Variants in RBFOX3 observed in about 807,000 individuals in gnomAD.
RBFOX3 encodes RNA binding fox-1 homolog 3, also known as RNA binding protein fox-1 homolog 3.
RBFOX3 carries 17 observed loss-of-function variants against 48.7 expected under a neutral mutation model. The observed-to-expected ratio is 0.35, with a 90% CI of 0.24 to 0.52. The LOEUF is 0.52. RBFOX3 is among the 20% of genes least tolerant of loss of function. The pLI is 0.94. For missense variants in RBFOX3, 382 were observed against 497.5 expected (o/e 0.77, Z 2.21); for synonymous variants, 212 against 209.5 (o/e 1.01, Z -0.10).
intron 3 of RBFOX3, among the ~76,000 whole-genome samples, chr17:79,257,770 G>A (rs1474519218): frequency 2.6e-5 from 4 of 152,010 alleles, no homozygotes; most frequent in South Asian, 2.1e-4. Context: ...TAGTAGAGAC[G>A]GGGTTTCACC....
intron 4 of RBFOX3, among the ~76,000 whole-genome samples, chr17:79,117,170 C>T (rs1229825718): frequency 6.6e-6 from 1 of 152,238 alleles, no homozygotes; most frequent in African/African-American, 2.4e-5. Context: ...AGGCACTCGC[C>T]CCCCCAGGAG....
At chr17:79,596,358 G>A (rs907968325) in intron 1 of RBFOX3, among the ~76,000 whole-genome samples, 1 of 152,188 alleles carries the variant, frequency 6.6e-6, no homozygotes, top group Admixed American at 6.5e-5. Flanking sequence ...TTGTTCCTCT[G>A]ACAGCCCTCT....
intron 3 of RBFOX3, among the ~76,000 whole-genome samples, chr17:79,284,596 G>C (rs1189874921): frequency 6.9e-6 from 1 of 145,422 alleles, no homozygotes; most frequent in Non-Finnish European, 1.5e-5. Context: ...CTAGAGTGTA[G>C]TGGCTTGATC....
intron 1 of RBFOX3, among the ~76,000 whole-genome samples, chr17:79,579,364 C>T (rs1201298614): frequency 2.6e-5 from 4 of 152,194 alleles, no homozygotes; most frequent in Admixed American, 6.5e-5. Flanking sequence ...TCACATCAGC[C>T]GGTTTGCTCC....
intron 1 of RBFOX3, among the ~76,000 whole-genome samples, chr17:79,505,344 C>T (rs1359997213): frequency 2.6e-5 from 4 of 152,158 alleles, no homozygotes; most frequent in African/African-American, 4.8e-5. Context: ...CCTCAGTCCA[C>T]GAACAACAGA....
rs1176297727 is a variant in RBFOX3, at chr17:79,361,104, A to G, written c.-174-53280T>C. On this transcript the variant is annotated intron_variant, in intron 2 of 14. Coordinates refer to ENST00000693108, the MANE Select transcript of RBFOX3 (RefSeq NM_001350451.2). The surrounding 1 kb of genome is among the most constrained non-coding windows in gnomAD (Gnocchi z 4.5). ...ATGGCCGAACCCCTCCTAAGTCAAG[A>G]AAGACACACATTTGGCTCCAAAGGT... is the stretch of plus-strand genomic sequence containing the variant. Among the ~76,000 whole-genome samples the G allele has an allele frequency of 6.6e-6, 1 of 152,156 alleles. No individual in the cohort carries two copies. The highest frequency in any genetic ancestry group is 1.9e-4 in the East Asian group (1 of 5,180).
chr17:79,428,369 C>T (rs1348041210), intron 2 of RBFOX3, among the ~76,000 whole-genome samples: 1 of 152,240 alleles, frequency 6.6e-6, no homozygotes. Flanking sequence ...TCTCCACCTG[C>T]GTCTGCCCCC....
At chr17:79,654,529 C>A in the RBFOX3 span, among the ~76,000 whole-genome samples, 1 of 152,234 alleles carries the variant, frequency 6.6e-6, no homozygotes, top group African/African-American at 2.4e-5. Context: ...ATCAAAAAGT[C>A]TACGGCCCAG....
intron 12 of RBFOX3, among the ~76,000 whole-genome samples, 175 bp from the exon 13 acceptor site, chr17:79,095,749 C>T (rs913019219): frequency 3.3e-5 from 5 of 152,190 alleles, no homozygotes; most frequent in East Asian, 1.9e-4. Flanking sequence ...GGCCTGGGCA[C>T]CTAGTTCTGG....
chr17:79,192,551 C>A (rs1183087023), intron 4 of RBFOX3, among the ~76,000 whole-genome samples: 1 of 152,234 alleles, frequency 6.6e-6, no homozygotes. Context: ...ATAACCCTCC[C>A]AGCTTGGAGG....
intron 1 of RBFOX3, among the ~76,000 whole-genome samples, chr17:79,593,792 C>T (rs1377754760): frequency 2.6e-5 from 4 of 152,172 alleles, no homozygotes; most frequent in African/African-American, 4.8e-5. Context: ...CTCAGGCAGT[C>T]GGTCATCTGC....
intron 2 of RBFOX3, among the ~76,000 whole-genome samples, chr17:79,456,771 G>A (rs781937466): frequency 9.9e-5 from 15 of 151,974 alleles, no homozygotes; most frequent in South Asian, 2.1e-4. Context: ...ACCCTGGCCC[G>A]GCCGGCTCTC....
chr17:79,534,476 G>A (rs1167589383), intron 1 of RBFOX3, among the ~76,000 whole-genome samples: 3 of 152,224 alleles, frequency 2.0e-5, no homozygotes, highest in Non-Finnish European at 4.4e-5. Context: ...CCAAGAGCAG[G>A]GTATGTCGTC....
intron 3 of RBFOX3, among the ~76,000 whole-genome samples, chr17:79,288,217 T>G (rs1036996982): frequency 2.6e-5 from 4 of 152,136 alleles, no homozygotes; most frequent in Non-Finnish European, 5.9e-5. Flanking sequence ...CCGTCCCCTC[T>G]CGGGGCCAGG....
rs1197834386 is a variant in RBFOX3, at chr17:79,471,853, C to T, written c.-175+10601G>A. 3.3e-5 allele frequency among the ~76,000 whole-genome samples: 5 copies of T among 152,128 alleles called. No individual in the cohort carries two copies. Among genetic ancestry groups the T allele is most frequent in the African/African-American group, 9.7e-5 (4 of 41,406 alleles). ...CCGGGATCCCACCGTTCTCCAGGGT[C>T]GAGGGAGAACACTTCAAGAGAGGCG... On this transcript the variant is annotated intron_variant, in intron 2 of 14. Transcript: ENST00000693108. This position sits in a 1 kb window ranked among gnomAD's most constrained non-coding sequence, Gnocchi z 4.0.
Position 79,471,160 on chromosome 17 carries a change from C to T in RBFOX3, c.-175+11294G>A, listed in dbSNP as rs1188088688. On this transcript the variant is annotated intron_variant, in intron 2 of 14. Transcript: ENST00000693108. The surrounding 1 kb of genome is among the most constrained non-coding windows in gnomAD (Gnocchi z 4.0). ...TCCATAATGCAGAATGGAGGTGAGT[C>T]CTGGGTCCCCAGCACCCCTCCTGCT... Among the ~76,000 whole-genome samples the T allele has an allele frequency of 6.6e-6, 1 of 152,152 alleles. No homozygotes were observed. The highest frequency in any genetic ancestry group is 1.5e-5 in the Non-Finnish European group (1 of 68,038).
chr17:79,544,038 G>A (rs1184980834), intron 1 of RBFOX3, among the ~76,000 whole-genome samples: 2 of 152,314 alleles, frequency 1.3e-5, no homozygotes, highest in Middle Eastern at 3.4e-3. Context: ...CCGTCCCTGG[G>A]CATTGAGAGC....
At chr17:79,612,441 C>A (rs2093976058), upstream of RBFOX3, among the ~76,000 whole-genome samples, 1 of 152,120 alleles carries the variant, frequency 6.6e-6, no homozygotes, top group South Asian at 2.1e-4. Context: ...GGATTTGGAG[C>A]TTCTCGGTAG....
chr17:79,359,888 G>T (rs961092284), intron 2 of RBFOX3, among the ~76,000 whole-genome samples: 1 of 152,056 alleles, frequency 6.6e-6, no homozygotes, highest in African/African-American at 2.4e-5. Context: ...ACCATGCCTG[G>T]TTAATTTTTG....
Sources: gnomAD v4.1 joint callset for allele counts (sites outside exome capture counted in the v4.1 genomes callset) on GRCh38, gnomAD v4.1.1 for gene constraint, Gnocchi (gnomAD v3.1) non-coding constraint, MANE v1.5 for transcripts, NCBI Gene and HGNC (gene_info 2026-07-23, HGNC 2026-07-21) for gene names.